Variants in UNC5C observed in about 807,000 individuals in gnomAD.
The protein encoded by UNC5C is unc-5 netrin receptor C.
Under a neutral mutation model 99.8 loss-of-function variants are expected in UNC5C, and 47 were observed. That is an observed-to-expected ratio of 0.47 (90% CI 0.37 to 0.60). The LOEUF is 0.60. Among genes scored for constraint, UNC5C ranks in the 20% least tolerant of loss-of-function variants. The pLI is 0.00. For missense variants in UNC5C, 1,062 were observed against 1,165.9 expected (o/e 0.91, Z 1.30); for synonymous variants, 487 against 452.2 (o/e 1.08, Z -0.98).
intron 1 of UNC5C, among the ~76,000 whole-genome samples, chr4:95,495,833 G>T (rs1199125743): frequency 6.6e-6 from 1 of 151,320 alleles, no homozygotes; most frequent in Non-Finnish European, 1.5e-5. Flanking sequence ...CAATCTGAAG[G>T]GCCAAAAAGG....
chr4:95,480,875 A>G (rs1434405910), intron 1 of UNC5C, among the ~76,000 whole-genome samples: 1 of 151,818 alleles, frequency 6.6e-6, no homozygotes, highest in Non-Finnish European at 1.5e-5. Flanking sequence ...AATAAGAGCT[A>G]TCTATGACAA....
chr4:95,182,358 A>ATGAT lies in UNC5C; in HGVS notation c.2451+535_2451+538dup, dbSNP rs1310349850. Reference sequence around the variant, plus strand: ...GTGTATCTCTCTTTATATTTAGAGAATGATAGAGAGAAAGGAGATCAAGAG... The same window carrying ATGAT: ...GTGTATCTCTCTTTATATTTAGAGAATGATTGATAGAGAGAAAGGAGATCAAGAG... On this transcript the variant is annotated intron_variant, in intron 14 of 15. Transcript: ENST00000453304. 5.9e-5 allele frequency among the ~76,000 whole-genome samples: 9 copies of ATGAT among 152,286 alleles called. No individual in the cohort carries two copies. In the South Asian group the frequency reaches 8.3e-4, roughly 14 times the overall value.
intron 12 of UNC5C, among the ~76,000 whole-genome samples, chr4:95,198,748 G>A (rs916750130): frequency 6.6e-6 from 1 of 152,146 alleles, no homozygotes; most frequent in African/African-American, 2.4e-5. Context: ...TTTGTTAGGG[G>A]TACAGTCTTC....
chr4:95,470,538 G>A (rs368121767), intron 1 of UNC5C, among the ~76,000 whole-genome samples: 1 of 152,062 alleles, frequency 6.6e-6, no homozygotes, highest in Non-Finnish European at 1.5e-5. Context: ...AGTAGCTCTA[G>A]TGTTGGGGGA....
At chr4:95,547,701 C>A (rs1723108595) in intron 1 of UNC5C, among the ~76,000 whole-genome samples, 1 of 152,200 alleles carries the variant, frequency 6.6e-6, no homozygotes, top group Non-Finnish European at 1.5e-5. Context: ...GCCCAGGTGA[C>A]CTGAAAGAGA....
intron 9 of UNC5C, among the ~76,000 whole-genome samples, 192 bp from the exon 10 acceptor site, chr4:95,216,403 C>G (rs1553954288): frequency 6.6e-6 from 1 of 151,052 alleles, no homozygotes; most frequent in South Asian, 2.1e-4. Flanking sequence ...TATGCAATTA[C>G]TTAAAGGAAT....
At chr4:95,329,498 A>G (rs1743029787) in intron 2 of UNC5C, among the ~76,000 whole-genome samples, 1 of 152,166 alleles carries the variant, frequency 6.6e-6, no homozygotes, top group Non-Finnish European at 1.5e-5. Context: ...GATTGTATCA[A>G]TTTAAACACC....
chr4:95,434,859 A>C (rs940686397), intron 1 of UNC5C, among the ~76,000 whole-genome samples: 3 of 152,052 alleles, frequency 2.0e-5, no homozygotes, highest in Non-Finnish European at 4.4e-5. Flanking sequence ...ACAGCAGTGC[A>C]AGGGCCACAG....
rs760152321 is a variant in UNC5C, at chr4:95,250,478, G to T, written c.775+9C>A. The T allele has an allele frequency of 1.0e-4, 163 of 1,612,182 alleles. 3 individuals are homozygous for T. Among genetic ancestry groups the T allele is most frequent in the South Asian group, 7.5e-4 (68 of 90,728 alleles). The stretch of plus-strand genomic sequence containing the variant: ...ATGAACTAGATTGAGACCCTGAAGG[G>T]CCACTCACCATAGACTATGACAGTG... On this transcript the variant is annotated intron_variant, in intron 5 of 15. Transcript: ENST00000453304.
chr4:95,240,524 A>G (rs927587387), intron 7 of UNC5C, among the ~76,000 whole-genome samples: 2 of 152,206 alleles, frequency 1.3e-5, no homozygotes, highest in Admixed American at 6.5e-5. Context: ...TTACTATAGC[A>G]AATCAGAGCT....
At chr4:95,303,359 T>C (rs1188572661) in intron 2 of UNC5C, among the ~76,000 whole-genome samples, 1 of 152,168 alleles carries the variant, frequency 6.6e-6, no homozygotes, top group Non-Finnish European at 1.5e-5. Context: ...GTTTCAGAAC[T>C]ACTCACATCT....
intron 2 of UNC5C, among the ~76,000 whole-genome samples, chr4:95,304,639 T>C (rs2149405381): frequency 6.6e-6 from 1 of 152,284 alleles, no homozygotes; most frequent in East Asian, 1.9e-4. Flanking sequence ...ATACATTCCC[T>C]CTTCATGGGG....
chr4:95,290,797 GTAAAGTTT>G (rs1385945302), intron 3 of UNC5C, among the ~76,000 whole-genome samples: 2 of 152,094 alleles, frequency 1.3e-5, no homozygotes, highest in Non-Finnish European at 2.9e-5. Flanking sequence ...TTTGTAAGGG[GTAAAGTTT>G]TCGTTCTCTC....
chr4:95,318,005 T>C (rs888061591), intron 2 of UNC5C, among the ~76,000 whole-genome samples: 5 of 152,098 alleles, frequency 3.3e-5, no homozygotes, highest in Admixed American at 2.6e-4. Context: ...TTACTTTGTT[T>C]GACAAAAAGG....
At chr4:95,198,691 G>A (rs747263280) in intron 12 of UNC5C, among the ~76,000 whole-genome samples, 1 of 152,116 alleles carries the variant, frequency 6.6e-6, no homozygotes, top group Non-Finnish European at 1.5e-5. Flanking sequence ...CCCAGAAAGG[G>A]TCATGGGGTA....
chr4:95,383,033 G>C lies in UNC5C; in HGVS notation c.125-47402C>G, dbSNP rs529911116. Among the ~76,000 whole-genome samples, 9 of 152,248 alleles carry C rather than the reference G, an allele frequency of 5.9e-5. No individual in the cohort carries two copies. In the South Asian group the frequency reaches 1.9e-3, roughly 32 times the overall value. ...TGCTTTCCCCAAATTTCCATTTACT[G>C]TATTGTTAGCAGGATATGATAACAG... is the stretch of plus-strand genomic sequence containing the variant. On this transcript the variant is annotated intron_variant, in intron 1 of 15. Transcript: ENST00000453304.
chr4:95,246,332 G>A (rs1579263881), intron 5 of UNC5C, among the ~76,000 whole-genome samples: 1 of 151,832 alleles, frequency 6.6e-6, no homozygotes. Context: ...CAAGGAGAGA[G>A]TATTGCTTGA....
At chr4:95,455,873 C>G (rs1448166704) in intron 1 of UNC5C, among the ~76,000 whole-genome samples, 1 of 152,044 alleles carries the variant, frequency 6.6e-6, no homozygotes, top group East Asian at 1.9e-4. Flanking sequence ...GTATTCCACT[C>G]AGGTAACAAG....
Position 95,168,956 on chromosome 4 carries a change from T to G in UNC5C, c.*278A>C. The G allele has an allele frequency of 2.6e-6, 1 of 383,682 alleles. No individual in the cohort carries two copies. The highest frequency in any genetic ancestry group is 4.7e-6 in the Non-Finnish European group (1 of 210,584). 23.8% of individuals were successfully genotyped at this position (383,682 alleles called of 1,614,324 possible). A position where few individuals can be genotyped will look rare whatever the true frequency, so the allele number is the denominator to read the frequency against. On this transcript the variant is annotated 3_prime_UTR_variant, in exon 16 of 16. Transcript: ENST00000453304. ...CGTTTCCTAGGAAACTGTAAGATCCTGTACCACACAGCATACAGCCCAACT... is the reference window on the plus strand; with the variant it reads ...CGTTTCCTAGGAAACTGTAAGATCCGGTACCACACAGCATACAGCCCAACT...
Sources: allele counts gnomAD v4.1 joint callset (sites outside exome capture counted in the v4.1 genomes callset), GRCh38; gene constraint gnomAD v4.1.1; transcripts MANE v1.5; gene names NCBI Gene and HGNC (gene_info 2026-07-23, HGNC 2026-07-21).